POLR2F: variants seen among roughly 807,000 people sequenced by gnomAD.
POLR2F encodes the protein DNA-directed RNA polymerases I, II, and III subunit RPABC2.
Under a neutral mutation model 22.7 loss-of-function variants are expected in POLR2F, and 12 were observed. The ratio of observed to expected loss-of-function variants is 0.53; its 90% CI spans 0.34 to 0.86. POLR2F has a LOEUF of 0.86. Ranked by LOEUF, POLR2F falls within the 40% of genes least tolerant of loss-of-function variation. POLR2F has a pLI of 0.02. For missense variants in POLR2F, 126 were observed against 171.5 expected (o/e 0.73, Z 1.48); for synonymous variants, 57 against 66.0 (o/e 0.86, Z 0.66).
At chr22:37,976,040 C>A (rs937960605) in intron 4 of POLR2F, among the ~76,000 whole-genome samples, 2 of 151,910 alleles carry the variant, frequency 1.3e-5, no homozygotes, top group African/African-American at 4.8e-5. Context: ...CTGGCCAACA[C>A]GGTGAAAAAC....
rs1382878843 is a variant in POLR2F, at chr22:37,986,762, G to A, written c.120+450G>A. On this transcript the variant is annotated intron_variant, in intron 1 of 2. Transcript: ENST00000333418. The surrounding 1 kb of genome is among the most constrained non-coding windows in gnomAD (Gnocchi z 4.7). ...CTGTGTGTGTGTGGTTGGGGCCCCT[G>A]CTGCGAACACATCCCTGCCCACCAT... 2.1e-6 allele frequency: 1 copy of A among 470,886 alleles called. No homozygotes were observed. The highest frequency in any genetic ancestry group is 1.5e-5 in the South Asian group (1 of 64,694). 29.2% of individuals were successfully genotyped at this position (470,886 alleles called of 1,614,324 possible). A position where few individuals can be genotyped will look rare whatever the true frequency, so the allele number is the denominator to read the frequency against.
downstream of POLR2F, chr22:38,041,392 A>T: frequency 2.7e-6 from 1 of 377,112 alleles, no homozygotes; most frequent in Admixed American, 4.1e-5. Context: ...TCTGGAGTCT[A>T]GGAGAGGATC....
chr22:38,033,719 G>A (rs939732784), intron 5 of POLR2F, among the ~76,000 whole-genome samples: 1 of 152,208 alleles, frequency 6.6e-6, no homozygotes, highest in African/African-American at 2.4e-5. Flanking sequence ...GCGGTGGCAG[G>A]ATCCTGAGGG....
chr22:38,015,463 G>A (rs2084908089), intron 1 of POLR2F, among the ~76,000 whole-genome samples: 1 of 152,220 alleles, frequency 6.6e-6, no homozygotes, highest in Non-Finnish European at 1.5e-5. Flanking sequence ...AAGGAAGACA[G>A]GCTGAGACCT....
intron 1 of POLR2F, 68 bp downstream of exon 1, chr22:37,953,875 G>A (rs1394734140): frequency 1.9e-6 from 3 of 1,554,624 alleles, no homozygotes; most frequent in Non-Finnish European, 2.6e-6. Context: ...GGCTTGGGTC[G>A]GCTGAGGAGC....
chr22:37,977,151 G>C lies in POLR2F; in HGVS notation c.293+9981G>C, dbSNP rs144978248. 4.8e-3 allele frequency among the ~76,000 whole-genome samples: 707 copies of C among 148,670 alleles called. 6 individuals carry two copies. The highest frequency in any genetic ancestry group is 0.017 in the African/African-American group (679 of 40,410). Reference sequence around the variant, plus strand: ...CCACTGCAGTCTAGCCTGGGCGACAGAGTGAGACTCTGTCTCCAGAAAAAA... The same window carrying C: ...CCACTGCAGTCTAGCCTGGGCGACACAGTGAGACTCTGTCTCCAGAAAAAA... On this transcript the variant is annotated intron_variant, in intron 4 of 4. Transcript: ENST00000405557.
chr22:37,963,746 C>CA (rs1468391105), intron 3 of POLR2F, among the ~76,000 whole-genome samples: 1 of 152,342 alleles, frequency 6.6e-6, no homozygotes, highest in Admixed American at 6.5e-5. Context: ...GCAAGTTAAA[C>CA]AGTCTTTCAG....
intron 4 of POLR2F, among the ~76,000 whole-genome samples, chr22:37,976,629 C>T (rs1932229074): frequency 6.6e-6 from 1 of 152,150 alleles, no homozygotes. Context: ...TGCCCGGGAG[C>T]CAAACTGGGG....
At chr22:38,039,540 C>T (rs563727537) in intron 5 of POLR2F, among the ~76,000 whole-genome samples, 232 of 152,236 alleles carry the variant, frequency 1.5e-3, no homozygotes, top group African/African-American at 5.3e-3. Flanking sequence ...AGCCGGTGCC[C>T]GGGGGAGGGG....
chr22:38,008,849 T>G, intron 1 of POLR2F, among the ~76,000 whole-genome samples: 1 of 146,192 alleles, frequency 6.8e-6, no homozygotes, highest in African/African-American at 2.5e-5. Context: ...CAGAGTGAGA[T>G]GCTGTCTCAA....
At chr22:37,984,543 T>TGACTGAGC (rs1034057768), upstream of POLR2F, 12 of 147,858 alleles carry the variant, frequency 8.1e-5, no homozygotes, top group African/African-American at 2.8e-4. The surrounding 1 kb of genome is among the most constrained non-coding windows in gnomAD (Gnocchi z 4.4). Flanking sequence ...AGCCCGAGAC[T>TGACTGAGC]GACTGAGCGA....
chr22:37,997,039 T>TGCCAGCTGGGACACAGGTGGCAG lies in POLR2F; in HGVS notation c.120+10754_120+10776dup, dbSNP rs72029351. ...CAGTGGCTGGCTGCATCCTCTGGGG[T>TGCCAGCTGGGACACAGGTGGCAG]GCCAGCTGGGACACAGGTGGCAGGC... is the stretch of plus-strand genomic sequence containing the variant. On this transcript the variant is annotated intron_variant, in intron 1 of 2. Transcript: ENST00000333418. This position sits in a 1 kb window ranked among gnomAD's most constrained non-coding sequence, Gnocchi z 4.4. Among the ~76,000 whole-genome samples, 36 of 151,980 alleles carry TGCCAGCTGGGACACAGGTGGCAG rather than the reference T, an allele frequency of 2.4e-4. No homozygotes were observed. The highest frequency in any genetic ancestry group is 6.2e-4 in the South Asian group (3 of 4,818).
chr22:37,995,732 T>C (rs916155848), intron 1 of POLR2F, among the ~76,000 whole-genome samples: 1 of 151,792 alleles, frequency 6.6e-6, no homozygotes, highest in African/African-American at 2.4e-5. Flanking sequence ...CAGCACTTTA[T>C]GAGGCTAAGG....
chr22:37,971,275 C>T (rs1569166687), downstream of POLR2F: 8 of 471,110 alleles, frequency 1.7e-5, no homozygotes, highest in Non-Finnish European at 2.6e-5. Context: ...TTAGCATCAG[C>T]CTCGCAAACT....
At chr22:37,964,664 TG>T (rs1466943155) in intron 3 of POLR2F, among the ~76,000 whole-genome samples, 1 of 150,258 alleles carries the variant, frequency 6.7e-6, no homozygotes, top group Non-Finnish European at 1.5e-5. Context: ...CTCTGCCTCC[TG>T]GGTTCAAGGA....
chr22:37,992,805 G>A (rs1032201691), intron 1 of POLR2F, among the ~76,000 whole-genome samples: 21 of 152,226 alleles, frequency 1.4e-4, no homozygotes, highest in Admixed American at 2.6e-4. Context: ...AGCCAGGGCC[G>A]ATGGCCATCC....
intron 1 of POLR2F, among the ~76,000 whole-genome samples, chr22:38,012,651 A>C (rs2084881303): frequency 6.6e-6 from 1 of 152,080 alleles, no homozygotes; most frequent in African/African-American, 2.4e-5. Context: ...ACGTTTACTC[A>C]CCATATCTCC....
rs567265319 is a variant in POLR2F at position 37,997,885 on chromosome 22, C to A, written c.120+11573C>A. Among the ~76,000 whole-genome samples, 4 of 152,336 alleles carry A rather than the reference C, an allele frequency of 2.6e-5. No homozygotes were observed. Among genetic ancestry groups the A allele is most frequent in the Middle Eastern group, 3.4e-3 (1 of 294 alleles). On this transcript the variant is annotated intron_variant, in intron 1 of 2. Transcript: ENST00000333418. This position sits in a 1 kb window ranked among gnomAD's most constrained non-coding sequence, Gnocchi z 4.4. Reference sequence around the variant, plus strand: ...GCGTCCGAGCCTCCCTAGGACACGACCCTCACAGAGTCATGGACCGCAGGA... The same window carrying A: ...GCGTCCGAGCCTCCCTAGGACACGAACCTCACAGAGTCATGGACCGCAGGA...
At position 37,980,031 on chromosome 22, in the gene POLR2F, A is replaced by G. The variant is rs1335431351; in HGVS notation, c.293+12861A>G. 6.6e-6 allele frequency among the ~76,000 whole-genome samples: 1 copy of G among 152,092 alleles called. No individual in the cohort carries two copies. The highest frequency in any genetic ancestry group is 2.4e-5 in the African/African-American group (1 of 41,402). On this transcript the variant is annotated intron_variant, in intron 4 of 4. Transcript: ENST00000405557. The surrounding 1 kb of genome is among the most constrained non-coding windows in gnomAD (Gnocchi z 4.1). ...CGGCAGCAGCATTCCTCTGCGGCTT[A>G]GCCTCCCTGTCTACTCCCCCCACCC...
Sources: gnomAD v4.1 joint callset for allele counts (sites outside exome capture counted in the v4.1 genomes callset) on GRCh38, gnomAD v4.1.1 for gene constraint, Gnocchi (gnomAD v3.1) non-coding constraint, MANE v1.5 for transcripts, NCBI Gene and HGNC (gene_info 2026-07-23, HGNC 2026-07-21) for gene names.